Variants in PARD3 observed in about 807,000 individuals in gnomAD.
PARD3 encodes the protein partitioning defective 3 homolog.
PARD3 carries 75 observed loss-of-function variants against 155.4 expected under a neutral mutation model. The observed-to-expected ratio is 0.48, with a 90% CI of 0.40 to 0.58. The LOEUF (loss-of-function observed/expected upper bound fraction) is 0.58. PARD3 is among the 20% of genes least tolerant of loss of function. PARD3 has a pLI of 0.00. For synonymous variants in PARD3, 576 were observed against 610.5 expected, an observed-to-expected ratio of 0.94 and a Z score of 0.83; for missense variants, 1,642 against 1,721.7, an observed-to-expected ratio of 0.95 and a Z score of 0.82.
At chr10:34,702,148 G>A (rs1168157452) in intron 1 of PARD3, among the ~76,000 whole-genome samples, 2 of 150,986 alleles carry the variant, frequency 1.3e-5, no homozygotes, top group Admixed American at 6.6e-5. Flanking sequence ...CTGGGCAACA[G>A]CAACACTCCG....
intron 7 of PARD3, among the ~76,000 whole-genome samples, chr10:34,385,422 C>A (rs929940375): frequency 6.6e-6 from 1 of 152,176 alleles, no homozygotes; most frequent in African/African-American, 2.4e-5. Flanking sequence ...AGGCATGAGC[C>A]ACTGTTAATT....
intron 22 of PARD3, among the ~76,000 whole-genome samples, chr10:34,179,509 A>G (rs1950179542): frequency 6.6e-6 from 1 of 152,234 alleles, no homozygotes; most frequent in South Asian, 2.1e-4. Flanking sequence ...TAATCAAGGT[A>G]ATTACAGAAA....
intron 4 of PARD3, among the ~76,000 whole-genome samples, chr10:34,464,415 T>C (rs1206521661): frequency 2.0e-5 from 3 of 152,194 alleles, no homozygotes; most frequent in African/African-American, 7.2e-5. Context: ...ACATCCTAAC[T>C]ACTTCATACT....
At chr10:34,768,837 C>T (rs1249933419) in intron 1 of PARD3, among the ~76,000 whole-genome samples, 1 of 152,214 alleles carries the variant, frequency 6.6e-6, no homozygotes, top group East Asian at 1.9e-4. Context: ...CCCTGCTGAG[C>T]GCACTCAGGG....
In PARD3 at chr10:34,360,255, GCTTT is replaced by G. The variant is rs1300460804; in HGVS notation, c.1708_1711del (p.Lys570GlnfsTer17). The G allele has an allele frequency of 6.2e-7, 1 of 1,611,090 alleles. No homozygotes were observed. Among genetic ancestry groups the G allele is most frequent in the African/African-American group, 1.3e-5 (1 of 74,856 alleles). On this transcript the variant is annotated frameshift_variant and splice_region_variant, in exon 13 of 25. Transcript: ENST00000374788. LOFTEE classifies it high-confidence loss of function. The stretch of plus-strand genomic sequence containing the variant: ...TGTAAGAACAATATCCTCATCTTCT[GCTTT>G]CTAATAGGGAACAAAATTGCACAGC...
At chr10:34,194,689 G>A (rs1472908040) in intron 22 of PARD3, among the ~76,000 whole-genome samples, 1 of 150,340 alleles carries the variant, frequency 6.7e-6, no homozygotes, top group Non-Finnish European at 1.5e-5. Flanking sequence ...GGTGGATAAT[G>A]GGGAGATGGA....
chr10:34,651,417 C>T lies in PARD3; in HGVS notation c.222+44901G>A, dbSNP rs189652130. On this transcript the variant is annotated intron_variant, in intron 2 of 24. Coordinates refer to ENST00000374788, the MANE Select transcript of PARD3 (RefSeq NM_001184785.2). ...CACATAAAGAAGAGAAAGTGGGAAA[C>T]GGATTTACACCAGGAATTGGTGAAG... 1.1e-4 allele frequency among the ~76,000 whole-genome samples: 17 copies of T among 152,290 alleles called. No homozygotes were observed. In the East Asian group the frequency reaches 1.5e-3, roughly 14 times the overall value.
At chr10:34,481,864 G>A (rs548696273) in intron 3 of PARD3, among the ~76,000 whole-genome samples, 9 of 151,156 alleles carry the variant, frequency 6.0e-5, no homozygotes, top group Non-Finnish European at 1.2e-4. Context: ...ACAGGGTCTT[G>A]CTCTGTCTCC....
chr10:34,721,004 A>C (rs573996992), intron 1 of PARD3, among the ~76,000 whole-genome samples: 31 of 152,196 alleles, frequency 2.0e-4, no homozygotes, highest in Non-Finnish European at 4.1e-4. Context: ...AACACTTTTC[A>C]GGCTGATTAG....
chr10:34,611,729 C>T (rs746996438), intron 2 of PARD3, among the ~76,000 whole-genome samples: 7 of 151,348 alleles, frequency 4.6e-5, no homozygotes, highest in South Asian at 4.2e-4. Flanking sequence ...GAAATGGGGA[C>T]GGGAGAGAGC....
chr10:34,380,598 C>T (rs1841726613), intron 9 of PARD3, among the ~76,000 whole-genome samples: 1 of 151,928 alleles, frequency 6.6e-6, no homozygotes, highest in African/African-American at 2.4e-5. Context: ...TAATACTTTA[C>T]CTTTATCTTC....
At chr10:34,361,765 T>G (rs1019403390) in intron 12 of PARD3, among the ~76,000 whole-genome samples, 1 of 152,106 alleles carries the variant, frequency 6.6e-6, no homozygotes, top group Non-Finnish European at 1.5e-5. Context: ...TTGTGCTATC[T>G]CAAAGGATGG....
At chr10:34,374,109 C>T (rs2134659983) in intron 11 of PARD3, among the ~76,000 whole-genome samples, 1 of 152,186 alleles carries the variant, frequency 6.6e-6, no homozygotes, top group East Asian at 1.9e-4. Context: ...CTTACCACAT[C>T]AAAAGACAAA....
intron 16 of PARD3, among the ~76,000 whole-genome samples, chr10:34,340,657 T>C (rs1391393176): frequency 6.6e-6 from 1 of 152,148 alleles, no homozygotes; most frequent in African/African-American, 2.4e-5. Context: ...ATTTTGTGTG[T>C]TCATGTGGAG....
intron 2 of PARD3, among the ~76,000 whole-genome samples, chr10:34,579,725 C>T (rs1333603225): frequency 2.6e-5 from 4 of 151,120 alleles, no homozygotes; most frequent in African/African-American, 7.3e-5. Context: ...GGATTACAGA[C>T]GTGCACCACC....
At chr10:34,470,979 T>C (rs1035895371) in intron 3 of PARD3, among the ~76,000 whole-genome samples, 1 of 152,206 alleles carries the variant, frequency 6.6e-6, no homozygotes, top group Non-Finnish European at 1.5e-5. Flanking sequence ...ACATCACATA[T>C]TCTCCGTAAA....
chr10:34,552,392 A>C (rs2084654497), intron 2 of PARD3, among the ~76,000 whole-genome samples: 1 of 152,158 alleles, frequency 6.6e-6, no homozygotes, highest in African/African-American at 2.4e-5. Context: ...CAGCCACCAC[A>C]CCCAGCCTAC....
chr10:34,772,853 G>A (rs1276553160), intron 1 of PARD3, among the ~76,000 whole-genome samples: 5 of 149,972 alleles, frequency 3.3e-5, no homozygotes, highest in African/African-American at 4.9e-5. Flanking sequence ...TATTCTCAAC[G>A]GAGCAAGAAA....
chr10:34,431,703 G>A (rs1202305175), intron 5 of PARD3, among the ~76,000 whole-genome samples: 1 of 129,390 alleles, frequency 7.7e-6, no homozygotes, highest in African/African-American at 3.0e-5. Context: ...TCACACCACT[G>A]CACTCCAGCT....
Sources: allele counts gnomAD v4.1 joint callset (sites outside exome capture counted in the v4.1 genomes callset), GRCh38; gene constraint gnomAD v4.1.1; transcripts MANE v1.5; gene names NCBI Gene and HGNC (gene_info 2026-07-23, HGNC 2026-07-21).